The following HADHA variants were observed in gnomAD, a reference collection of about 807,000 sequenced individuals.
The protein encoded by HADHA is trifunctional enzyme subunit alpha, mitochondrial.
Under a neutral mutation model 91.3 loss-of-function variants are expected in HADHA, and 59 were observed. The observed-to-expected ratio is 0.65, with a 90% CI of 0.52 to 0.80. The LOEUF is 0.80. HADHA is among the 30% of genes least tolerant of loss of function. The pLI is 0.00. For synonymous variants in HADHA, 320 were observed against 338.9 expected, an observed-to-expected ratio of 0.94 and a Z score of 0.61; for missense variants, 800 against 927.6, an observed-to-expected ratio of 0.86 and a Z score of 1.79.
chr2:26,225,342 C>T (rs1424916834), intron 7 of HADHA, among the ~76,000 whole-genome samples: 1 of 150,478 alleles, frequency 6.6e-6, no homozygotes, highest in Non-Finnish European at 1.5e-5. Flanking sequence ...CAAAAATTAG[C>T]CCAAGATCTC....
chr2:26,191,386 C>T lies in HADHA; in HGVS notation c.2156G>A (p.Arg719His), dbSNP rs751955844. 30 of 1,614,024 alleles carry T rather than the reference C, an allele frequency of 1.9e-5. No individual in the cohort carries two copies. In the Admixed American group the frequency reaches 3.8e-4, roughly 21 times the overall value. The change falls in exon 20 of 20, where the codon CGC (arginine) becomes CAC (histidine). Residue 719 changes from arginine (R) to histidine (H), a missense_variant. By Grantham distance (29) the Arg-to-His change is conservative (BLOSUM62 0). Transcript: ENST00000380649. ...CTGGGCGCCATACAGATCCACAAAG[C>T]GGAAAGGCCCTGAATAGAGAAAGAG... is the stretch of plus-strand genomic sequence containing the variant. Reference protein sequence around the residue: ...GFPPCLGGPFRFVDLYGAQKI... With the variant: ...GFPPCLGGPFHFVDLYGAQKI...
intron 11 of HADHA, among the ~76,000 whole-genome samples, chr2:26,207,746 TG>T (rs1670005422): frequency 6.6e-6 from 1 of 152,220 alleles, no homozygotes; most frequent in Non-Finnish European, 1.5e-5. Context: ...CATGGTACCT[TG>T]TCTGTATACT....
intron 17 of HADHA, 77 bp from the exon 18 acceptor site, chr2:26,192,501 G>T: frequency 1.2e-6 from 1 of 861,250 alleles, no homozygotes; most frequent in Non-Finnish European, 2.0e-6. Context: ...CAGAACCCTG[G>T]CCTGGCCAGG....
At chr2:26,232,425 C>CT in intron 5 of HADHA, 146 bp from the exon 6 acceptor site, 1 of 665,690 alleles carries the variant, frequency 1.5e-6, no homozygotes, top group Non-Finnish European at 2.7e-6. Context: ...TTAATAATTT[C>CT]TAGAATTTAC....
intron 13 of HADHA, among the ~76,000 whole-genome samples, chr2:26,200,584 T>C (rs1669803222): frequency 6.6e-6 from 1 of 152,240 alleles, no homozygotes. Flanking sequence ...CTATACTCTG[T>C]GAGGTTATCT....
intron 4 of HADHA, among the ~76,000 whole-genome samples, chr2:26,235,645 G>A (rs565272720): frequency 2.6e-5 from 4 of 152,218 alleles, no homozygotes; most frequent in African/African-American, 9.6e-5. Context: ...AATTATTTGT[G>A]CCTAACAAGA....
At chr2:26,196,068 C>G (rs557351823) in intron 14 of HADHA, among the ~76,000 whole-genome samples, 1 of 152,338 alleles carries the variant, frequency 6.6e-6, no homozygotes, top group Non-Finnish European at 1.5e-5. Context: ...TGCTCATTAT[C>G]TACCTGCTCT....
intron 11 of HADHA, among the ~76,000 whole-genome samples, chr2:26,205,543 G>A (rs2147763501): frequency 6.6e-6 from 1 of 152,354 alleles, no homozygotes; most frequent in East Asian, 1.9e-4. Context: ...GTTTTGGCTG[G>A]GCACAGTGGC....
intron 11 of HADHA, among the ~76,000 whole-genome samples, 158 bp from the exon 12 acceptor site, chr2:26,204,354 T>G (rs184302027): frequency 9.8e-5 from 15 of 152,350 alleles, no homozygotes; most frequent in Non-Finnish European, 2.1e-4. Context: ...CTTTAATAAA[T>G]GATTGATCTT....
chr2:26,214,540 G>A lies in HADHA; in HGVS notation c.821C>T (p.Thr274Ile), dbSNP rs753573862. The change falls in exon 9 of 20, where the codon ACT becomes ATT. Residue 274 changes from threonine to isoleucine, a missense_variant. Thr to Ile is a moderately conservative substitution (Grantham distance 89, BLOSUM62 -1). Coordinates refer to ENST00000380649, the MANE Select transcript of HADHA (RefSeq NM_000182.5). The surrounding 1 kb of genome is among the most constrained non-coding windows in gnomAD (Gnocchi z 4.1). ...AACCTGTTGCCTGACAAATGGAATA[G>A]TCATGGCATACGCTGTCAATTCTGT... Reference protein sequence around the residue: ...LVEKLTAYAMTIPFVRQQVYK... With the variant: ...LVEKLTAYAMIIPFVRQQVYK... 4 of 1,594,074 alleles carry A rather than the reference G, an allele frequency of 2.5e-6. No homozygotes were observed. In the East Asian group the frequency reaches 8.9e-5, roughly 36 times the overall value.
At chr2:26,232,558 A>G (rs1670648493) in intron 5 of HADHA, among the ~76,000 whole-genome samples, 1 of 152,194 alleles carries the variant, frequency 6.6e-6, no homozygotes, top group African/African-American at 2.4e-5. Flanking sequence ...ACACAATTTT[A>G]TATGGACCCC....
intron 13 of HADHA, 106 bp from the exon 14 acceptor site, chr2:26,197,883 C>T (rs1469229705): frequency 6.7e-6 from 5 of 746,164 alleles, no homozygotes; most frequent in Admixed American, 1.8e-5. Flanking sequence ...CTCTGTCCCC[C>T]ACAACTGCTC....
Position 26,192,422 on chromosome 2 carries a change from G to A in HADHA, c.1888C>T (p.Arg630Cys), listed in dbSNP as rs756007713. 5.9e-6 allele frequency: 9 copies of A among 1,514,806 alleles called. No individual in the cohort carries two copies. The highest frequency in any genetic ancestry group is 1.4e-5 in the African/African-American group (1 of 73,074). 93.8% of individuals were successfully genotyped at this position (1,514,806 alleles called of 1,614,324 possible). A position where few individuals can be genotyped will look rare whatever the true frequency, so the allele number is the denominator to read the frequency against. ...TQMVSKGFLG[R>C]KSGKGFYIYQ... ...ATGTAAAAGCCCTTCCCAGATTTAC[G>A]ACCTAAAACAGGCAAGAAAAGGGAG... The change falls in exon 18 of 20, where the codon CGT (arginine) becomes TGT (cysteine). Residue 630 changes from arginine (R) to cysteine (C), a missense_variant and splice_region_variant. Arg to Cys is a radical substitution (Grantham distance 180, BLOSUM62 -3). Transcript: ENST00000380649.
chr2:26,206,332 G>A (rs79123108), intron 11 of HADHA, among the ~76,000 whole-genome samples: 2 of 150,872 alleles, frequency 1.3e-5, no homozygotes, highest in Non-Finnish European at 2.9e-5. Context: ...AGGTTCAAAC[G>A]ATCCTCCTGT....
chr2:26,233,503 T>C (rs1365590421), intron 5 of HADHA, among the ~76,000 whole-genome samples: 1 of 152,212 alleles, frequency 6.6e-6, no homozygotes, highest in East Asian at 1.9e-4. Context: ...TGTTCGGGTC[T>C]AGTAAGCATC....
intron 13 of HADHA, among the ~76,000 whole-genome samples, chr2:26,200,372 A>G (rs1043877497): frequency 1.3e-5 from 2 of 151,490 alleles, no homozygotes; most frequent in Admixed American, 6.6e-5. Context: ...TACTCTTCCT[A>G]CTCCCCACTT....
chr2:26,208,529 C>A (rs975744523), intron 11 of HADHA, among the ~76,000 whole-genome samples: 2 of 152,120 alleles, frequency 1.3e-5, no homozygotes, highest in African/African-American at 4.8e-5. Context: ...TCTTTGTGTA[C>A]ATGGAGGGAT....
chr2:26,215,373 G>A (rs1474849552), intron 7 of HADHA, among the ~76,000 whole-genome samples, 198 bp from the exon 8 acceptor site: 2 of 152,174 alleles, frequency 1.3e-5, no homozygotes, highest in African/African-American at 2.4e-5. Flanking sequence ...ATATGCTCTA[G>A]GTAGAAAACG....
chr2:26,219,680 G>T (rs563922515), intron 7 of HADHA, among the ~76,000 whole-genome samples: 1 of 152,326 alleles, frequency 6.6e-6, no homozygotes, highest in Admixed American at 6.5e-5. Context: ...CAGGGCCCAA[G>T]TAGCAGCACC....
Sources: allele counts gnomAD v4.1 joint callset (sites outside exome capture counted in the v4.1 genomes callset), GRCh38; gene constraint gnomAD v4.1.1; non-coding constraint Gnocchi (gnomAD v3.1); transcripts MANE v1.5; gene names NCBI Gene and HGNC (gene_info 2026-07-23, HGNC 2026-07-21).